Variants in EIF2AK4 observed in about 807,000 individuals in gnomAD.
EIF2AK4 encodes eIF-2-alpha kinase GCN2.
EIF2AK4 carries 139 observed loss-of-function variants against 211.1 expected under a neutral mutation model. The ratio of observed to expected loss-of-function variants is 0.66; its 90% CI spans 0.57 to 0.76. The LOEUF (loss-of-function observed/expected upper bound fraction) is 0.76. Ranked by LOEUF, EIF2AK4 falls within the 30% of genes least tolerant of loss-of-function variation. EIF2AK4 has a pLI of 0.00. For synonymous variants in EIF2AK4, 710 were observed against 751.3 expected (o/e 0.94, Z 0.90); for missense variants, 1,664 against 2,043.8 (o/e 0.81, Z 3.58).
chr15:39,969,562 A>G (rs958924733), intron 9 of EIF2AK4, among the ~76,000 whole-genome samples: 5 of 152,108 alleles, frequency 3.3e-5, no homozygotes, highest in South Asian at 4.2e-4. Context: ...GGGTTTCACC[A>G]TGTTAGCCAG....
At chr15:40,029,187 TTTG>T (rs1480694748) in intron 33 of EIF2AK4, 1 of 394,056 alleles carries the variant, frequency 2.5e-6, no homozygotes, top group African/African-American at 2.2e-5. Context: ...TCCTTAGGCA[TTTG>T]TTAACTTAAA....
intron 31 of EIF2AK4, 37 bp downstream of exon 31, chr15:40,021,064 ATTGCTATGGC>A (rs778105076): frequency 6.2e-7 from 1 of 1,604,070 alleles, no homozygotes. Context: ...TGAAGTGCAA[ATTGCTATGGC>A]TTTCATGGCA....
intron 23 of EIF2AK4, 148 bp downstream of exon 23, chr15:40,003,462 GT>G: frequency 1.6e-6 from 2 of 1,276,028 alleles, no homozygotes; most frequent in East Asian, 5.0e-5. Context: ...GAGTGAGAGT[GT>G]TACTGGGGTG....
intron 13 of EIF2AK4, among the ~76,000 whole-genome samples, chr15:39,979,310 A>G (rs1157034399): frequency 6.6e-6 from 1 of 152,228 alleles, no homozygotes; most frequent in African/African-American, 2.4e-5. Flanking sequence ...ATTTAGAAGG[A>G]TAGGGGAAGA....
chr15:40,004,898 T>A (rs73388590), intron 23 of EIF2AK4, among the ~76,000 whole-genome samples: 3,958 of 152,278 alleles, frequency 0.026, 184 homozygotes, highest in African/African-American at 0.091. Flanking sequence ...TTTTTATATA[T>A]GTATAAGATG....
chr15:40,009,025 A>G (rs976480807), intron 25 of EIF2AK4, among the ~76,000 whole-genome samples: 40 of 151,472 alleles, frequency 2.6e-4, no homozygotes, highest in African/African-American at 9.2e-4. Context: ...TTTGAAATCA[A>G]CTCTCTCGGG....
intron 29 of EIF2AK4, among the ~76,000 whole-genome samples, chr15:40,018,425 T>G (rs1233627949): frequency 6.7e-6 from 1 of 150,146 alleles, no homozygotes; most frequent in Non-Finnish European, 1.5e-5. Context: ...TTGGAGGATT[T>G]TTTCAGGCAT....
intron 1 of EIF2AK4, among the ~76,000 whole-genome samples, chr15:39,938,125 G>T (rs547689962): frequency 2.6e-5 from 4 of 152,256 alleles, no homozygotes; most frequent in Non-Finnish European, 4.4e-5. Flanking sequence ...TTGTACTTAT[G>T]TGTTTATTAT....
intron 6 of EIF2AK4, among the ~76,000 whole-genome samples, chr15:39,957,191 T>C (rs1304500421): frequency 6.6e-6 from 1 of 152,242 alleles, no homozygotes; most frequent in African/African-American, 2.4e-5. Context: ...TTCAGATATA[T>C]GGAAGATGAT....
chr15:39,974,804 G>T (rs2034671982), intron 11 of EIF2AK4: 1 of 152,314 alleles, frequency 6.6e-6, no homozygotes, highest in South Asian at 2.1e-4. Context: ...TTCTCCCTGT[G>T]AGAATCCACA....
chr15:39,961,489 T>C (rs1024329246), intron 6 of EIF2AK4, among the ~76,000 whole-genome samples: 3 of 152,240 alleles, frequency 2.0e-5, no homozygotes, highest in East Asian at 3.8e-4. Context: ...TTTTCAGTTT[T>C]ATTTTAATAG....
At position 39,965,559 on chromosome 15, in the gene EIF2AK4, C is replaced by T. The variant is rs17848529; in HGVS notation, c.860-127C>T. On this transcript the variant is annotated intron_variant, in intron 7 of 38. Coordinates refer to ENST00000263791, the MANE Select transcript of EIF2AK4 (RefSeq NM_001013703.4). ...ACAAAAGGACATTATTACATAAAGT[C>T]CTATTTTCCATAGTTAGCGCATGGT... The T allele has an allele frequency of 7.4e-4, 777 of 1,051,684 alleles. 9 individuals are homozygous for T. The East Asian group carries it at 0.016, about 22-fold the overall frequency. The allele number at this position is 1,051,684 out of a possible 1,614,324, so 65.1% of individuals were successfully genotyped here.
Position 40,008,290 on chromosome 15 carries a change from C to G in EIF2AK4, c.3576+95C>G, listed in dbSNP as rs142692574. 4.6e-4 allele frequency: 537 copies of G among 1,154,992 alleles called. 3 individuals are homozygous for G. The highest frequency in any genetic ancestry group is 2.3e-3 in the Middle Eastern group (10 of 4,348). 71.5% of individuals were successfully genotyped at this position (1,154,992 alleles called of 1,614,324 possible). On this transcript the variant is annotated intron_variant, in intron 25 of 38. Transcript: ENST00000263791. Reference sequence around the variant, plus strand: ...CACAGCTACAGACCTGCTTCTCAGTCTGTCCTGCAGATGAATCACATCTTT... The same window carrying G: ...CACAGCTACAGACCTGCTTCTCAGTGTGTCCTGCAGATGAATCACATCTTT...
At chr15:39,973,263 T>G (rs1214862970) in intron 10 of EIF2AK4, among the ~76,000 whole-genome samples, 2 of 152,178 alleles carry the variant, frequency 1.3e-5, no homozygotes, top group African/African-American at 4.8e-5. Flanking sequence ...CATAGTGCCA[T>G]GTAACTAGAT....
chr15:40,024,234 A>T (rs1275164694), intron 32 of EIF2AK4, among the ~76,000 whole-genome samples: 5 of 149,822 alleles, frequency 3.3e-5, no homozygotes, highest in African/African-American at 1.2e-4. Context: ...TTTTTAAGAG[A>T]TGGGGGTCTC....
chr15:39,960,361 G>C (rs1481179995), intron 6 of EIF2AK4, among the ~76,000 whole-genome samples: 1 of 151,960 alleles, frequency 6.6e-6, no homozygotes, highest in South Asian at 2.1e-4. Context: ...AACAGGGCAG[G>C]GGAGATAGAG....
At chr15:39,988,151 A>G (rs561955198) in intron 15 of EIF2AK4, 46 bp downstream of exon 15, 12 of 1,596,494 alleles carry the variant, frequency 7.5e-6, no homozygotes, top group Non-Finnish European at 1.0e-5. Context: ...GTTTACATAA[A>G]TTTATGACTG....
chr15:39,948,451 T>A (rs1038511704), intron 3 of EIF2AK4, among the ~76,000 whole-genome samples: 1 of 152,220 alleles, frequency 6.6e-6, no homozygotes, highest in Non-Finnish European at 1.5e-5. Flanking sequence ...GATTTATGTC[T>A]CCTGCGGGTA....
At chr15:39,989,570 C>T (rs2034914600) in intron 15 of EIF2AK4, among the ~76,000 whole-genome samples, 1 of 152,226 alleles carries the variant, frequency 6.6e-6, no homozygotes, top group Non-Finnish European at 1.5e-5. Flanking sequence ...TGGCATCTAA[C>T]ACTGTGCCAT....
Sources: gnomAD v4.1 joint callset for allele counts (sites outside exome capture counted in the v4.1 genomes callset) on GRCh38, gnomAD v4.1.1 for gene constraint, MANE v1.5 for transcripts, NCBI Gene and HGNC (gene_info 2026-07-23, HGNC 2026-07-21) for gene names.